KCNIP1: variants seen among roughly 807,000 people sequenced by gnomAD.
The protein encoded by KCNIP1 is potassium voltage-gated channel interacting protein 1.
Under a neutral mutation model 33.0 loss-of-function variants are expected in KCNIP1, and 18 were observed. That is an observed-to-expected ratio of 0.55 (90% confidence interval 0.38 to 0.81). The LOEUF (loss-of-function observed/expected upper bound fraction) is 0.81, where lower values mean the gene tolerates loss of function less well. Ranked by LOEUF, KCNIP1 falls within the 30% of genes least tolerant of loss-of-function variation. The pLI is 0.00. For missense variants in KCNIP1, 238 were observed against 271.6 expected, an observed-to-expected ratio of 0.88 and a Z score of 0.87; for synonymous variants, 93 against 98.3, an observed-to-expected ratio of 0.95 and a Z score of 0.32.
chr5:170,414,890 T>A (rs1755287586), intron 1 of KCNIP1, among the ~76,000 whole-genome samples: 1 of 152,218 alleles, frequency 6.6e-6, no homozygotes, highest in Admixed American at 6.5e-5. Context: ...TGTTTCTATG[T>A]GTGATGCGAA....
At chr5:170,647,146 A>G (rs546896677) in intron 1 of KCNIP1, among the ~76,000 whole-genome samples, 3 of 152,310 alleles carry the variant, frequency 2.0e-5, no homozygotes, top group African/African-American at 4.8e-5. Flanking sequence ...ATGTTTGTGG[A>G]TAGGAAACCT....
At chr5:170,516,101 A>G (rs553021501) in intron 1 of KCNIP1, among the ~76,000 whole-genome samples, 1 of 152,346 alleles carries the variant, frequency 6.6e-6, no homozygotes, top group South Asian at 2.1e-4. Flanking sequence ...GAGCAGAGTC[A>G]GGCTGTCCAT....
intron 1 of KCNIP1, among the ~76,000 whole-genome samples, chr5:170,516,394 G>A (rs1404363881): frequency 6.6e-6 from 1 of 152,148 alleles, no homozygotes; most frequent in Admixed American, 6.5e-5. Flanking sequence ...TCAGAGACCT[G>A]GACCTTTCTT....
chr5:170,362,528 C>A (rs1005250988), intron 1 of KCNIP1, among the ~76,000 whole-genome samples: 1 of 152,204 alleles, frequency 6.6e-6, no homozygotes, highest in Non-Finnish European at 1.5e-5. Context: ...CCATAGGTCA[C>A]CTTTCACAGT....
At chr5:170,653,814 G>A (rs1035760791) in intron 1 of KCNIP1, among the ~76,000 whole-genome samples, 3 of 152,030 alleles carry the variant, frequency 2.0e-5, no homozygotes, top group African/African-American at 7.3e-5. Context: ...CCAGGAGAGG[G>A]TGACTTGATG....
intron 1 of KCNIP1, among the ~76,000 whole-genome samples, chr5:170,444,728 G>A (rs1756072327): frequency 6.7e-6 from 1 of 149,834 alleles, no homozygotes; most frequent in Non-Finnish European, 1.5e-5. Flanking sequence ...TCTTCCCCAA[G>A]TCTGGTTTCC....
intron 1 of KCNIP1, among the ~76,000 whole-genome samples, chr5:170,371,624 A>G (rs1263707355): frequency 6.6e-6 from 1 of 152,180 alleles, no homozygotes; most frequent in Non-Finnish European, 1.5e-5. Context: ...GGAGATACTA[A>G]TAATAACCTC....
chr5:170,555,452 A>G (rs909439942), intron 1 of KCNIP1, among the ~76,000 whole-genome samples: 4 of 152,168 alleles, frequency 2.6e-5, no homozygotes, highest in African/African-American at 9.7e-5. Context: ...ATCATTCCAT[A>G]TTACCAATAG....
intron 1 of KCNIP1, among the ~76,000 whole-genome samples, chr5:170,486,652 C>T (rs1034878963): frequency 3.9e-5 from 6 of 152,210 alleles, no homozygotes; most frequent in African/African-American, 1.4e-4. Context: ...GTGTGAGCCC[C>T]ATACCCTTCT....
chr5:170,638,721 T>TC (rs140786126), intron 1 of KCNIP1, among the ~76,000 whole-genome samples: 18,506 of 152,072 alleles, frequency 0.12, 1,347 homozygotes, highest in African/African-American at 0.19. Flanking sequence ...GGGCAGCCAG[T>TC]CCCCCACATA....
chr5:170,679,115 A>T (rs1028418426), intron 1 of KCNIP1: 5 of 152,224 alleles, frequency 3.3e-5, no homozygotes, highest in African/African-American at 1.2e-4. Flanking sequence ...GGCAGATGGG[A>T]TCTGGAATGG....
At chr5:170,443,237 AC>A in intron 1 of KCNIP1, among the ~76,000 whole-genome samples, 1 of 108,552 alleles carries the variant, frequency 9.2e-6, no homozygotes, top group South Asian at 2.9e-4. Flanking sequence ...CTCATTCCCC[AC>A]CCCCCGGCCC....
At chr5:170,598,264 A>G (rs1758536068) in intron 1 of KCNIP1, among the ~76,000 whole-genome samples, 1 of 152,140 alleles carries the variant, frequency 6.6e-6, no homozygotes, top group Admixed American at 6.6e-5. Flanking sequence ...AGCTGGGAGG[A>G]GGCAGGAATT....
chr5:170,604,365 T>C (rs1321204790), intron 1 of KCNIP1, among the ~76,000 whole-genome samples: 2 of 152,134 alleles, frequency 1.3e-5, no homozygotes, highest in Non-Finnish European at 2.9e-5. Flanking sequence ...CCAGAGCCCA[T>C]GGGGACAGCG....
intron 1 of KCNIP1, among the ~76,000 whole-genome samples, chr5:170,692,475 G>A (rs907638531): frequency 1.3e-5 from 2 of 152,246 alleles, no homozygotes; most frequent in Non-Finnish European, 2.9e-5. Context: ...GAAGGGGCAT[G>A]ATATTATGAG....
intron 1 of KCNIP1, among the ~76,000 whole-genome samples, chr5:170,626,795 G>A (rs1759847151): frequency 6.6e-6 from 1 of 152,198 alleles, no homozygotes; most frequent in South Asian, 2.1e-4. Flanking sequence ...GGAGGGGATT[G>A]GGATGGGCTA....
At chr5:170,540,221 C>T (rs897416965) in intron 1 of KCNIP1, among the ~76,000 whole-genome samples, 1 of 152,188 alleles carries the variant, frequency 6.6e-6, no homozygotes, top group Non-Finnish European at 1.5e-5. Flanking sequence ...GACTCAGGAG[C>T]TTTCCTGGGG....
In KCNIP1 at chr5:170,489,749, T is replaced by C. The variant is rs943435829; in HGVS notation, c.88+135785T>C. Among the ~76,000 whole-genome samples, 18 of 152,226 alleles carry C rather than the reference T, an allele frequency of 1.2e-4. No homozygotes were observed. Among genetic ancestry groups the C allele is most frequent in the African/African-American group, 4.3e-4 (18 of 41,458 alleles). On this transcript the variant is annotated intron_variant, in intron 1 of 7. Transcript: ENST00000377360. This position sits in a 1 kb window ranked among gnomAD's most constrained non-coding sequence, Gnocchi z 4.3. ...TACCCCCTTTACAACTGACGGGAGC[T>C]ATCCTGGGGAATGAAGCCTGAGGCT... is the stretch of plus-strand genomic sequence containing the variant.
chr5:170,720,014 A>G lies in KCNIP1; in HGVS notation c.187-307A>G, dbSNP rs140242239. 7.6e-3 allele frequency among the ~76,000 whole-genome samples: 1,152 copies of G among 152,292 alleles called. 3 individuals carry two copies. The highest frequency in any genetic ancestry group is 0.013 in the Admixed American group (201 of 15,302). On this transcript the variant is annotated intron_variant, in intron 2 of 7. Transcript: ENST00000328939. ...TTACCCCCATTTTACAGGTAAGGAT[A>G]TTGAGGATCAGAGACTGGCTTGGCC... is the stretch of plus-strand genomic sequence containing the variant.
Sources: allele counts gnomAD v4.1 joint callset (sites outside exome capture counted in the v4.1 genomes callset), GRCh38; gene constraint gnomAD v4.1.1; non-coding constraint Gnocchi (gnomAD v3.1); transcripts MANE v1.5; gene names NCBI Gene and HGNC (gene_info 2026-07-23, HGNC 2026-07-21).